Variants in RBFOX1 observed in about 807,000 individuals in gnomAD.
RBFOX1 encodes RNA binding fox-1 homolog 1.
In RBFOX1, 8 loss-of-function variants were observed where a neutral mutation model predicts 57.7. The observed-to-expected ratio is 0.14, with a 90% CI of 0.08 to 0.25. The LOEUF is 0.25. Among genes scored for constraint, RBFOX1 ranks in the 10% least tolerant of loss-of-function variants. The pLI is 1.00. For synonymous variants in RBFOX1, 326 were observed against 222.4 expected (o/e 1.47, Z -4.15); for missense variants, 611 against 548.5 (o/e 1.11, Z -1.14).
chr16:5,573,633 C>T (rs188132850), intron 2 of RBFOX1, among the ~76,000 whole-genome samples: 3 of 152,260 alleles, frequency 2.0e-5, no homozygotes, highest in Non-Finnish European at 4.4e-5. Flanking sequence ...GTGCATCCCC[C>T]CTTTCCCCGT....
chr16:6,001,383 C>T (rs1208294065), intron 4 of RBFOX1, among the ~76,000 whole-genome samples: 1 of 152,066 alleles, frequency 6.6e-6, no homozygotes, highest in Non-Finnish European at 1.5e-5. Flanking sequence ...TGGTGTGTGG[C>T]TTGTGGAGCT....
At position 6,724,150 on chromosome 16, in the gene RBFOX1, C is replaced by A. The variant is rs562505417; in HGVS notation, c.-16+69500C>A. 1.5e-4 allele frequency among the ~76,000 whole-genome samples: 22 copies of A among 151,538 alleles called. No individual in the cohort carries two copies. The East Asian group carries it at 3.7e-3, about 26-fold the overall frequency. On this transcript the variant is annotated intron_variant, in intron 3 of 15. Coordinates refer to ENST00000550418, the MANE Select transcript of RBFOX1 (RefSeq NM_018723.4). Reference sequence around the variant, plus strand: ...GGGATTAGTGCCATTATAAAAGAGGCTTTACAGACCTCCTTGCCTTGTTGT... The same window carrying A: ...GGGATTAGTGCCATTATAAAAGAGGATTTACAGACCTCCTTGCCTTGTTGT...
chr16:7,470,874 T>A (rs773654395), intron 4 of RBFOX1, among the ~76,000 whole-genome samples: 1 of 150,434 alleles, frequency 6.6e-6, no homozygotes, highest in African/African-American at 2.4e-5. Context: ...AAAGAGTAGA[T>A]CTCAGGGCGG....
At chr16:6,527,589 A>T (rs1013259555) in intron 2 of RBFOX1, among the ~76,000 whole-genome samples, 1 of 152,148 alleles carries the variant, frequency 6.6e-6, no homozygotes, top group Non-Finnish European at 1.5e-5. Context: ...AGGACCCTCT[A>T]AATTGTAATT....
intron 1 of RBFOX1, among the ~76,000 whole-genome samples, chr16:5,427,267 A>G (rs1011195771): frequency 6.6e-6 from 1 of 152,172 alleles, no homozygotes; most frequent in Non-Finnish European, 1.5e-5. Flanking sequence ...TGGCTCATGC[A>G]GTTAAGGAGA....
At chr16:5,586,884 C>G (rs1035632436) in intron 2 of RBFOX1, among the ~76,000 whole-genome samples, 1 of 152,182 alleles carries the variant, frequency 6.6e-6, no homozygotes, top group Non-Finnish European at 1.5e-5. Context: ...CCTTGAAATG[C>G]TGACACTCTT....
chr16:7,255,528 A>G (rs571865317), intron 4 of RBFOX1, among the ~76,000 whole-genome samples: 78 of 152,360 alleles, frequency 5.1e-4, no homozygotes, highest in African/African-American at 1.8e-3. Flanking sequence ...TATTTAGTGT[A>G]AAAGAGATTG....
chr16:7,248,932 G>A (rs995318032), intron 4 of RBFOX1, among the ~76,000 whole-genome samples: 1 of 152,170 alleles, frequency 6.6e-6, no homozygotes, highest in Non-Finnish European at 1.5e-5. Context: ...AAGAAAGGCG[G>A]GTAGCACCAT....
intron 4 of RBFOX1, among the ~76,000 whole-genome samples, chr16:5,956,682 T>TTTTTTC (rs2059650148): frequency 7.3e-6 from 1 of 136,492 alleles, no homozygotes; most frequent in Non-Finnish European, 1.5e-5. Context: ...ATATATATTT[T>TTTTTTC]TTTTGAGGCA....
At chr16:6,948,534 C>A (rs947175415) in intron 3 of RBFOX1, among the ~76,000 whole-genome samples, 1 of 151,736 alleles carries the variant, frequency 6.6e-6, no homozygotes, top group Non-Finnish European at 1.5e-5. Context: ...AGGCGCCCAC[C>A]ACCATGCCCA....
chr16:7,343,487 A>G (rs2096936410), intron 4 of RBFOX1, among the ~76,000 whole-genome samples: 1 of 152,182 alleles, frequency 6.6e-6, no homozygotes, highest in African/African-American at 2.4e-5. Flanking sequence ...AAAGGGCTAG[A>G]GGAGCTGCCC....
Position 7,007,063 on chromosome 16 carries a change from CTG to C in RBFOX1, c.-15-44991_-15-44990del, listed in dbSNP as rs1356410550. Among the ~76,000 whole-genome samples, 5 of 152,198 alleles carry C rather than the reference CTG, an allele frequency of 3.3e-5. No homozygotes were observed. The East Asian group carries it at 5.8e-4, about 18-fold the overall frequency. The stretch of plus-strand genomic sequence containing the variant: ...CTAGTTGGCTCATCTGGTTTCTACA[CTG>C]TGAGTTTTTCTCAACGCTGATGTCA... On this transcript the variant is annotated intron_variant, in intron 3 of 15. Transcript: ENST00000550418.
intron 3 of RBFOX1, among the ~76,000 whole-genome samples, chr16:5,737,961 C>G (rs1284000742): frequency 3.3e-5 from 5 of 152,108 alleles, no homozygotes; most frequent in Admixed American, 3.3e-4. Flanking sequence ...CACCCGCCAA[C>G]CTGTCATCTA....
intron 3 of RBFOX1, among the ~76,000 whole-genome samples, chr16:7,007,692 C>G (rs907832956): frequency 1.3e-5 from 2 of 152,138 alleles, no homozygotes; most frequent in African/African-American, 4.8e-5. Context: ...TTTGCATGTA[C>G]TTTTGCTGCT....
intron 1 of RBFOX1, among the ~76,000 whole-genome samples, chr16:6,039,593 T>C (rs1265995472): frequency 1.3e-5 from 2 of 152,182 alleles, no homozygotes; most frequent in African/African-American, 4.8e-5. Context: ...ACTGCCAGCT[T>C]CTGCAACAGT....
chr16:7,133,577 A>T (rs1169350154), intron 4 of RBFOX1, among the ~76,000 whole-genome samples: 1 of 152,216 alleles, frequency 6.6e-6, no homozygotes, highest in Non-Finnish European at 1.5e-5. Context: ...AAGCTGAAAG[A>T]TACACACATG....
chr16:5,501,335 A>G (rs1010842657), intron 2 of RBFOX1, among the ~76,000 whole-genome samples: 4 of 150,646 alleles, frequency 2.7e-5, no homozygotes, highest in South Asian at 4.2e-4. Flanking sequence ...AAAAAAAAAA[A>G]AAAAAAGAAA....
rs1052924413 is a variant in RBFOX1 at position 7,113,108 on chromosome 16, C to T, written c.27+61010C>T. 2.2e-4 allele frequency among the ~76,000 whole-genome samples: 34 copies of T among 152,206 alleles called. No individual in the cohort carries two copies. In the South Asian group the frequency reaches 3.1e-3, roughly 14 times the overall value. Reference sequence around the variant, plus strand: ...ATTGCTTCAGGCACATGTTGAACCACGGTCAATTCAAGTTTGAGATCTCTG... The same window carrying T: ...ATTGCTTCAGGCACATGTTGAACCATGGTCAATTCAAGTTTGAGATCTCTG... On this transcript the variant is annotated intron_variant, in intron 4 of 15. Transcript: ENST00000550418.
intron 4 of RBFOX1, among the ~76,000 whole-genome samples, chr16:5,935,940 C>A (rs1216911630): frequency 6.6e-6 from 1 of 152,178 alleles, no homozygotes; most frequent in South Asian, 2.1e-4. Context: ...ACCAGCCTCC[C>A]CTGGAGGCCC....
Sources: allele counts gnomAD v4.1 joint callset (sites outside exome capture counted in the v4.1 genomes callset), GRCh38; gene constraint gnomAD v4.1.1; transcripts MANE v1.5; gene names NCBI Gene and HGNC (gene_info 2026-07-23, HGNC 2026-07-21).